CPNE4: variants seen among roughly 807,000 people sequenced by gnomAD.
CPNE4 encodes copine 4.
A neutral mutation model predicts 67.9 loss-of-function variants in CPNE4; 25 were observed. That is an observed-to-expected ratio of 0.37 (90% confidence interval 0.27 to 0.51). The LOEUF is 0.51. Among genes scored for constraint, CPNE4 ranks in the 20% least tolerant of loss-of-function variants. The probability of loss-of-function intolerance (pLI) is 0.93; values close to 1 mark genes in which losing one functional copy is unlikely to be tolerated. For missense variants in CPNE4, 464 were observed against 690.8 expected, an observed-to-expected ratio of 0.67 and a Z score of 3.68; for synonymous variants, 242 against 244.9, an observed-to-expected ratio of 0.99 and a Z score of 0.11.
chr3:131,893,452 C>G (rs6771284), intron 2 of CPNE4, among the ~76,000 whole-genome samples: 1 of 151,698 alleles, frequency 6.6e-6, no homozygotes, highest in Non-Finnish European at 1.5e-5. Context: ...TATCAGACTT[C>G]TACTGCACAA....
chr3:131,799,808 G>A (rs2084025412), intron 2 of CPNE4, among the ~76,000 whole-genome samples: 1 of 152,082 alleles, frequency 6.6e-6, no homozygotes, highest in African/African-American at 2.4e-5. Flanking sequence ...AGCAGTTAGA[G>A]TTATTGCTGT....
chr3:131,938,446 G>A (rs4854859), intron 1 of CPNE4, among the ~76,000 whole-genome samples: 26,624 of 151,888 alleles, frequency 0.18, 2,645 homozygotes, highest in East Asian at 0.31. Flanking sequence ...AATAAAAAAT[G>A]TCTCAAACAA....
chr3:131,811,646 A>G (rs1025724853), intron 2 of CPNE4, among the ~76,000 whole-genome samples: 2 of 152,176 alleles, frequency 1.3e-5, no homozygotes, highest in African/African-American at 4.8e-5. Flanking sequence ...TAGTCCTTAT[A>G]TAAAAGTTCT....
chr3:131,896,084 C>A (rs1330792820), intron 2 of CPNE4, among the ~76,000 whole-genome samples: 2 of 151,604 alleles, frequency 1.3e-5, no homozygotes, highest in African/African-American at 4.8e-5. Context: ...GCCAGATGTC[C>A]CTTATATATA....
At chr3:131,724,711 G>T (rs1300608071) in intron 2 of CPNE4, among the ~76,000 whole-genome samples, 2 of 152,140 alleles carry the variant, frequency 1.3e-5, no homozygotes, top group African/African-American at 4.8e-5. Context: ...ACATTGAGGG[G>T]TAGTAATGGC....
chr3:131,730,253 A>T (rs1049523858), intron 2 of CPNE4, among the ~76,000 whole-genome samples: 1 of 152,214 alleles, frequency 6.6e-6, no homozygotes, highest in Non-Finnish European at 1.5e-5. Flanking sequence ...ATGTCATAGT[A>T]TAATTGGAAA....
chr3:131,744,018 G>A (rs1217105772), intron 2 of CPNE4, among the ~76,000 whole-genome samples: 1 of 128,026 alleles, frequency 7.8e-6, no homozygotes, highest in African/African-American at 2.9e-5. Flanking sequence ...TCAGTAATTA[G>A]ACAAAAATTT....
chr3:131,773,703 T>C (rs902353198), intron 2 of CPNE4, among the ~76,000 whole-genome samples: 18 of 152,178 alleles, frequency 1.2e-4, no homozygotes, highest in Non-Finnish European at 1.5e-4. Context: ...GATCTAATTA[T>C]GCACATATAG....
chr3:131,808,200 T>A (rs552565893), intron 2 of CPNE4, among the ~76,000 whole-genome samples: 91 of 152,176 alleles, frequency 6.0e-4, no homozygotes, highest in African/African-American at 2.1e-3. Context: ...AATCAGAAAT[T>A]ACAAAACACA....
intron 1 of CPNE4, among the ~76,000 whole-genome samples, chr3:132,022,322 C>T (rs1422167535): frequency 6.6e-6 from 1 of 152,204 alleles, no homozygotes; most frequent in Non-Finnish European, 1.5e-5. Context: ...TGAGAATATG[C>T]ATTGTTCCCA....
chr3:131,714,269 G>C (rs777170253), intron 3 of CPNE4, among the ~76,000 whole-genome samples: 1 of 152,024 alleles, frequency 6.6e-6, no homozygotes, highest in East Asian at 1.9e-4. Flanking sequence ...TTGATCAATA[G>C]CTTGTGGTCT....
At chr3:131,814,269 C>T (rs1366458585) in intron 2 of CPNE4, among the ~76,000 whole-genome samples, 1 of 152,138 alleles carries the variant, frequency 6.6e-6, no homozygotes, top group Non-Finnish European at 1.5e-5. Flanking sequence ...AAGAGTTTCT[C>T]TTCATTGTAG....
intron 1 of CPNE4, among the ~76,000 whole-genome samples, chr3:132,003,829 A>T (rs1246821608): frequency 6.6e-6 from 1 of 152,146 alleles, no homozygotes; most frequent in African/African-American, 2.4e-5. Context: ...GATCCTGATT[A>T]AAAAGACAAG....
chr3:131,562,893 T>C (rs7626412), intron 11 of CPNE4, among the ~76,000 whole-genome samples: 17,233 of 152,084 alleles, frequency 0.11, 2,144 homozygotes, highest in African/African-American at 0.31. Flanking sequence ...CTATTGACTT[T>C]TTTCCTGGAT....
At chr3:132,016,891 G>A (rs1300624760) in intron 1 of CPNE4, among the ~76,000 whole-genome samples, 1 of 152,132 alleles carries the variant, frequency 6.6e-6, no homozygotes, top group Admixed American at 6.5e-5. Context: ...TTTCACATGT[G>A]TGTACCTCAA....
intron 7 of CPNE4, among the ~76,000 whole-genome samples, chr3:131,635,013 C>A (rs575147329): frequency 6.6e-6 from 1 of 152,234 alleles, no homozygotes; most frequent in African/African-American, 2.4e-5. Context: ...TTGATTATGA[C>A]AGGTCTTTGA....
At chr3:131,638,043 C>G (rs1237093885) in intron 7 of CPNE4, among the ~76,000 whole-genome samples, 1 of 151,922 alleles carries the variant, frequency 6.6e-6, no homozygotes, top group Non-Finnish European at 1.5e-5. Flanking sequence ...AGTTCTAAAT[C>G]TTGAAACAAA....
intron 2 of CPNE4, among the ~76,000 whole-genome samples, chr3:131,797,358 C>A (rs772948797): frequency 6.6e-6 from 1 of 152,156 alleles, no homozygotes; most frequent in Non-Finnish European, 1.5e-5. Flanking sequence ...ATTTTTGAAG[C>A]ATGAAGGGAC....
intron 11 of CPNE4, among the ~76,000 whole-genome samples, chr3:131,557,693 T>A (rs1285690181): frequency 6.6e-6 from 1 of 152,040 alleles, no homozygotes; most frequent in Non-Finnish European, 1.5e-5. Flanking sequence ...CACAACAGCT[T>A]ATGAAGGATT....
Sources: gnomAD v4.1 joint callset for allele counts (sites outside exome capture counted in the v4.1 genomes callset) on GRCh38, gnomAD v4.1.1 for gene constraint, MANE v1.5 for transcripts, NCBI Gene and HGNC (gene_info 2026-07-23, HGNC 2026-07-21) for gene names.